PDE9A: variants seen among roughly 807,000 people sequenced by gnomAD.
PDE9A encodes the protein high affinity cGMP-specific 3',5'-cyclic phosphodiesterase 9A.
Under a neutral mutation model 87.4 loss-of-function variants are expected in PDE9A, and 60 were observed. The ratio of observed to expected loss-of-function variants is 0.69; its 90% confidence interval spans 0.56 to 0.85. The LOEUF (loss-of-function observed/expected upper bound fraction) is 0.85. PDE9A is among the 40% of genes least tolerant of loss of function. The pLI, the probability that PDE9A is intolerant of heterozygous loss-of-function variation, is 0.00. For missense variants in PDE9A, 665 were observed against 779.0 expected (o/e 0.85, Z 1.74); for synonymous variants, 272 against 279.4 (o/e 0.97, Z 0.27).
intron 1 of PDE9A, among the ~76,000 whole-genome samples, chr21:42,670,471 GACTTACACACATAC>G (rs1231872398): frequency 6.7e-6 from 1 of 149,214 alleles, no homozygotes; most frequent in African/African-American, 2.5e-5. Context: ...CTTGCACATA[GACTTACACACATAC>G]ACTTACACAC....
chr21:42,735,732 G>C (rs951857622), intron 7 of PDE9A, among the ~76,000 whole-genome samples: 3 of 152,114 alleles, frequency 2.0e-5, no homozygotes, highest in African/African-American at 7.2e-5. Context: ...TCCAGGATGG[G>C]CCCATCTCCA....
chr21:42,682,222 A>G (rs1268396512), intron 1 of PDE9A, among the ~76,000 whole-genome samples: 5 of 152,294 alleles, frequency 3.3e-5, no homozygotes, highest in Non-Finnish European at 2.9e-5. Context: ...ACCAGTTCAA[A>G]AGAGAAATCC....
At position 42,723,605 on chromosome 21, in the gene PDE9A, C is replaced by T. The variant is rs149283076; in HGVS notation, c.263-8165C>T. 2.1e-3 allele frequency among the ~76,000 whole-genome samples: 320 copies of T among 152,288 alleles called. 1 individual carries two copies. The highest frequency in any genetic ancestry group is 7.1e-3 in the African/African-American group (294 of 41,562). On this transcript the variant is annotated intron_variant, in intron 4 of 19. Transcript: ENST00000291539. The surrounding 1 kb of genome is among the most constrained non-coding windows in gnomAD (Gnocchi z 4.3). ...TGAAATCCACTCTAGCATGCAGACT[C>T]GGGGGCACTTTTAGATATTCTATTG...
chr21:42,674,350 T>TA (rs2058725439), intron 1 of PDE9A, among the ~76,000 whole-genome samples: 1 of 146,158 alleles, frequency 6.8e-6, no homozygotes, highest in Non-Finnish European at 1.5e-5. Context: ...GGGTCTCCAT[T>TA]TGTGGCCCAG....
intron 1 of PDE9A, among the ~76,000 whole-genome samples, chr21:42,658,077 A>G (rs544113485): frequency 3.3e-5 from 5 of 151,988 alleles, no homozygotes; most frequent in Admixed American, 6.5e-5. Context: ...GCTTGCCTCC[A>G]CCCGACCTAT....
At chr21:42,726,600 A>ATATATT (rs2051074381) in intron 4 of PDE9A, among the ~76,000 whole-genome samples, 1 of 12,612 alleles carries the variant, frequency 7.9e-5, no homozygotes, top group Non-Finnish European at 1.5e-4. Context: ...GGCCATATAT[A>ATATATT]TATATATATA....
intron 7 of PDE9A, among the ~76,000 whole-genome samples, chr21:42,738,084 C>G (rs1323826536): frequency 2.6e-5 from 4 of 152,136 alleles, no homozygotes; most frequent in Non-Finnish European, 5.9e-5. Flanking sequence ...AAAGCAGGGC[C>G]CTTTACTCCC....
At chr21:42,655,527 G>A (rs1209109381) in intron 1 of PDE9A, among the ~76,000 whole-genome samples, 1 of 152,180 alleles carries the variant, frequency 6.6e-6, no homozygotes, top group Non-Finnish European at 1.5e-5. Context: ...GGTGGGCCCT[G>A]GGGAAGACAT....
chr21:42,673,351 G>A (rs527348455), intron 1 of PDE9A, among the ~76,000 whole-genome samples: 1 of 152,240 alleles, frequency 6.6e-6, no homozygotes, highest in East Asian at 1.9e-4. Flanking sequence ...ACCCAGCCAA[G>A]CCCAGGCCTG....
At chr21:42,680,030 C>T (rs923085784) in intron 1 of PDE9A, among the ~76,000 whole-genome samples, 2 of 152,232 alleles carry the variant, frequency 1.3e-5, no homozygotes, top group African/African-American at 4.8e-5. Flanking sequence ...GAAAAATCCC[C>T]AGGACCTGGG....
rs372824780 is a variant in PDE9A at position 42,718,894 on chromosome 21, C to T, written c.263-12876C>T. ...AGAGACATTGGATTTTGTTATCATC[C>T]TCTGAAGAGTGTTAATTTTGCTCCA... On this transcript the variant is annotated intron_variant, in intron 4 of 19. Coordinates refer to ENST00000291539, the MANE Select transcript of PDE9A (RefSeq NM_002606.3). Among the ~76,000 whole-genome samples, 19 of 151,798 alleles carry T rather than the reference C, an allele frequency of 1.3e-4. No homozygotes were observed. In the South Asian group the frequency reaches 1.9e-3, roughly 15 times the overall value.
chr21:42,748,473 C>T (rs1425787967), intron 8 of PDE9A, among the ~76,000 whole-genome samples: 6 of 152,172 alleles, frequency 3.9e-5, no homozygotes, highest in South Asian at 2.1e-4. Context: ...GGGGAAGAGA[C>T]GGCAGCATGC....
At chr21:42,707,869 G>T (rs1007073831) in intron 4 of PDE9A, among the ~76,000 whole-genome samples, 4 of 152,176 alleles carry the variant, frequency 2.6e-5, no homozygotes, top group Admixed American at 6.5e-5. Flanking sequence ...CCTGCCACTT[G>T]GTAAGCGCCC....
intron 19 of PDE9A, among the ~76,000 whole-genome samples, chr21:42,774,216 A>C (rs2057319586): frequency 6.6e-6 from 1 of 152,246 alleles, no homozygotes; most frequent in South Asian, 2.1e-4. Context: ...TGCATCAAGC[A>C]TGCAAGGCTC....
chr21:42,723,382 C>G lies in PDE9A; in HGVS notation c.263-8388C>G, dbSNP rs535444718. Among the ~76,000 whole-genome samples the G allele has an allele frequency of 6.6e-6, 1 of 152,380 alleles. No homozygotes were observed. Among genetic ancestry groups the G allele is most frequent in the African/African-American group, 2.4e-5 (1 of 41,600 alleles). On this transcript the variant is annotated intron_variant, in intron 4 of 19. Coordinates refer to ENST00000291539, the MANE Select transcript of PDE9A (RefSeq NM_002606.3). The surrounding 1 kb of genome is among the most constrained non-coding windows in gnomAD (Gnocchi z 4.3). ...TGTGCTTATCAAGTGAGGAGGCCAG[C>G]AGGACTTAGCACCCAGGTGAGCACA...
chr21:42,712,686 G>T (rs61450559), intron 4 of PDE9A, among the ~76,000 whole-genome samples: 1 of 152,132 alleles, frequency 6.6e-6, no homozygotes. Context: ...GGAAGTCCCC[G>T]TCTAATGTTA....
At chr21:42,684,337 C>T (rs1267508426) in intron 1 of PDE9A, among the ~76,000 whole-genome samples, 1 of 152,190 alleles carries the variant, frequency 6.6e-6, no homozygotes, top group African/African-American at 2.4e-5. Context: ...AAGTGAGTTA[C>T]ACAGGGGCCC....
chr21:42,749,165 T>C (rs1488842542), intron 8 of PDE9A, among the ~76,000 whole-genome samples: 4 of 152,190 alleles, frequency 2.6e-5, no homozygotes, highest in African/African-American at 7.2e-5. Flanking sequence ...AGGATAGATA[T>C]GTGGGCTTAA....
chr21:42,664,372 C>T (rs988645733), intron 1 of PDE9A, among the ~76,000 whole-genome samples: 1 of 152,218 alleles, frequency 6.6e-6, no homozygotes, highest in African/African-American at 2.4e-5. Context: ...GGCAGCCGCT[C>T]CTGATGGTGC....
Sources: allele counts gnomAD v4.1 joint callset (sites outside exome capture counted in the v4.1 genomes callset), GRCh38; gene constraint gnomAD v4.1.1; non-coding constraint Gnocchi (gnomAD v3.1); transcripts MANE v1.5; gene names NCBI Gene and HGNC (gene_info 2026-07-23, HGNC 2026-07-21).